QTMAN: variants seen among roughly 807,000 people sequenced by gnomAD.
QTMAN encodes tRNA-queuosine alpha-mannosyltransferase.
the QTMAN span, among the ~76,000 whole-genome samples, chr2:144,221,298 A>G: frequency 6.6e-6 from 1 of 152,196 alleles, no homozygotes; most frequent in African/African-American, 2.4e-5. Flanking sequence ...GAAGTTACCA[A>G]AAATCTTTAC....
At chr2:144,092,471 G>A in the QTMAN span, among the ~76,000 whole-genome samples, 1 of 152,034 alleles carries the variant, frequency 6.6e-6, no homozygotes, top group African/African-American at 2.4e-5. Context: ...CACCACGCCT[G>A]GCCAAAACTG....
chr2:144,189,823 T>C, the QTMAN span, among the ~76,000 whole-genome samples: 2 of 152,106 alleles, frequency 1.3e-5, no homozygotes, highest in African/African-American at 4.8e-5. Context: ...GGTTTCACCA[T>C]GTTGGCCATG....
the QTMAN span, among the ~76,000 whole-genome samples, chr2:144,170,585 T>G: frequency 7.2e-5 from 11 of 152,160 alleles, no homozygotes; most frequent in Non-Finnish European, 1.6e-4. Flanking sequence ...TGTAGTATAC[T>G]GGATAGCAAA....
At chr2:144,136,695 T>C in the QTMAN span, among the ~76,000 whole-genome samples, 3 of 152,130 alleles carry the variant, frequency 2.0e-5, no homozygotes, top group African/African-American at 7.2e-5. Flanking sequence ...CTTTTTTCTC[T>C]GCCTCTCCAT....
the QTMAN span, among the ~76,000 whole-genome samples, chr2:144,254,323 G>C: frequency 6.6e-6 from 1 of 152,194 alleles, no homozygotes. Context: ...TTGGGAGGCT[G>C]AGGCAGGAGA....
At chr2:144,065,504 G>A in the QTMAN span, among the ~76,000 whole-genome samples, 265 of 152,236 alleles carry the variant, frequency 1.7e-3, no homozygotes, top group African/African-American at 6.1e-3. Context: ...CAAATAAGTT[G>A]GCTGTATCTT....
At chr2:144,156,632 A>G in the QTMAN span, among the ~76,000 whole-genome samples, 1 of 152,228 alleles carries the variant, frequency 6.6e-6, no homozygotes, top group African/African-American at 2.4e-5. Flanking sequence ...CAAATGGAGT[A>G]AAACAAAAAT....
chr2:143,952,561 T>G, the QTMAN span, among the ~76,000 whole-genome samples: 1 of 151,656 alleles, frequency 6.6e-6, no homozygotes, highest in Non-Finnish European at 1.5e-5. Flanking sequence ...AGAATGTTAT[T>G]TGAAAACTTG....
the QTMAN span, among the ~76,000 whole-genome samples, chr2:144,214,401 G>A: frequency 6.6e-6 from 1 of 152,118 alleles, no homozygotes; most frequent in Non-Finnish European, 1.5e-5. Flanking sequence ...TCTATGCACT[G>A]AAAATATTCT....
chr2:143,944,346 C>T, the QTMAN span: 1 of 152,172 alleles, frequency 6.6e-6, no homozygotes, highest in African/African-American at 2.4e-5. Context: ...TCTGACATTA[C>T]AGTCTTTATA....
At chr2:144,269,585 C>A in the QTMAN span, among the ~76,000 whole-genome samples, 2 of 152,094 alleles carry the variant, frequency 1.3e-5, no homozygotes, top group African/African-American at 4.8e-5. Flanking sequence ...CCAATTATAA[C>A]TGATTTTATA....
the QTMAN span, among the ~76,000 whole-genome samples, chr2:144,078,042 C>A: frequency 6.6e-6 from 1 of 152,252 alleles, no homozygotes; most frequent in Admixed American, 6.5e-5. Context: ...TTTTCCAGCA[C>A]AATTTGGCAC....
At chr2:144,075,896 C>T in the QTMAN span, among the ~76,000 whole-genome samples, 1 of 152,170 alleles carries the variant, frequency 6.6e-6, no homozygotes, top group East Asian at 1.9e-4. Context: ...ATATTGTGTG[C>T]ACTTCTTGAA....
the QTMAN span, among the ~76,000 whole-genome samples, chr2:144,166,035 A>C: frequency 6.9e-6 from 1 of 144,050 alleles, no homozygotes; most frequent in Non-Finnish European, 1.5e-5. Context: ...CTCCTGCATA[A>C]AACCAAGTCC....
the QTMAN span, among the ~76,000 whole-genome samples, chr2:143,962,881 A>G: frequency 6.6e-6 from 1 of 152,198 alleles, no homozygotes; most frequent in East Asian, 1.9e-4. Flanking sequence ...AATGTGCATC[A>G]CCATCACCAT....
At chr2:144,272,154 T>C in the QTMAN span, among the ~76,000 whole-genome samples, 1,041 of 152,250 alleles carry the variant, frequency 6.8e-3, 6 homozygotes, top group Middle Eastern at 0.044. Flanking sequence ...AATTAATATT[T>C]AGTGAAACTA....
the QTMAN span, among the ~76,000 whole-genome samples, chr2:143,970,489 A>C: frequency 1.3e-5 from 2 of 151,088 alleles, no homozygotes; most frequent in Non-Finnish European, 3.0e-5. Flanking sequence ...ATGCTTACTT[A>C]AGTATTTTTT....
At chr2:144,010,247 C>A in the QTMAN span, among the ~76,000 whole-genome samples, 2 of 152,012 alleles carry the variant, frequency 1.3e-5, no homozygotes. Flanking sequence ...GAATTGGTAA[C>A]TGACAAGGAA....
the QTMAN span, among the ~76,000 whole-genome samples, chr2:144,312,265 C>T: frequency 6.6e-6 from 1 of 151,442 alleles, no homozygotes; most frequent in East Asian, 1.9e-4. Context: ...TCAAGTGATC[C>T]TCCTGCCTCA....
Sources: gnomAD v4.1 joint callset for allele counts (sites outside exome capture counted in the v4.1 genomes callset) on GRCh38, gnomAD v4.1.1 for gene constraint, MANE v1.5 for transcripts, NCBI Gene and HGNC (gene_info 2026-07-23, HGNC 2026-07-21) for gene names.